The following DNAI3 variants were observed in gnomAD, a reference collection of about 807,000 sequenced individuals.
The protein encoded by DNAI3 is WD repeat domain 63.
A neutral mutation model predicts 115.5 loss-of-function variants in DNAI3; 83 were observed. The observed-to-expected ratio is 0.72, with a 90% confidence interval of 0.60 to 0.86. The LOEUF (loss-of-function observed/expected upper bound fraction) is 0.86, where lower values mean the gene tolerates loss of function less well. DNAI3 is among the 40% of genes least tolerant of loss of function. DNAI3 has a pLI of 0.00. For synonymous variants in DNAI3, 320 were observed against 347.0 expected (o/e 0.92, Z 0.86); for missense variants, 1,004 against 1,075.8 (o/e 0.93, Z 0.93).
Position 85,117,807 on chromosome 1 carries a change from A to G in DNAI3, c.1865A>G (p.Asn622Ser), listed in dbSNP as rs1655877283. 1.2e-6 allele frequency: 2 copies of G among 1,613,940 alleles called. No individual in the cohort carries two copies. Among genetic ancestry groups the G allele is most frequent in the Non-Finnish European group, 1.7e-6 (2 of 1,179,842 alleles). ...CATAATCTGGAAAGTGGGATGGCCA[A>G]TCTTCTCAAGCCAATAGATGACTTC... The part of the protein sequence containing the change: ...PYHNLESGMA[N>S]LLKPIDDFCT... The change falls in exon 17 of 23, where the codon AAT becomes AGT. Residue 622 changes from asparagine to serine, a missense_variant. By Grantham distance (46) the Asn-to-Ser change is conservative. Transcript: ENST00000294664.
intron 12 of DNAI3, 147 bp from the exon 13 acceptor site, chr1:85,098,383 A>G (rs1655189548): frequency 5.5e-6 from 5 of 915,888 alleles, no homozygotes; most frequent in Admixed American, 3.1e-5. Flanking sequence ...TTACCTAAAT[A>G]TATGATATAG....
chr1:85,110,921 A>G (rs1655643510), intron 16 of DNAI3, among the ~76,000 whole-genome samples: 1 of 152,234 alleles, frequency 6.6e-6, no homozygotes, highest in East Asian at 1.9e-4. Context: ...TGACTTTTAA[A>G]TCTATCTCAA....
intron 18 of DNAI3, 67 bp from the exon 19 acceptor site, chr1:85,124,054 C>T: frequency 3.1e-6 from 5 of 1,593,574 alleles, no homozygotes; most frequent in Non-Finnish European, 4.3e-6. Context: ...GGAGGTCTGT[C>T]CATTCCTCAC....
chr1:85,098,283 C>T (rs1487634683), intron 12 of DNAI3, among the ~76,000 whole-genome samples: 2 of 152,136 alleles, frequency 1.3e-5, no homozygotes, highest in Admixed American at 1.3e-4. Flanking sequence ...TGAGATGTCT[C>T]ATTGATTCTT....
intron 1 of DNAI3, among the ~76,000 whole-genome samples, chr1:85,064,747 A>G (rs921738129): frequency 6.6e-6 from 1 of 152,088 alleles, no homozygotes; most frequent in African/African-American, 2.4e-5. Context: ...AAAATAAAAT[A>G]AAAAGCTGGG....
At chr1:85,094,030 T>C (rs1655057317) in intron 9 of DNAI3, 1 of 416,134 alleles carries the variant, frequency 2.4e-6, no homozygotes, top group Admixed American at 3.1e-5. Flanking sequence ...GTGCCTCCTT[T>C]AAAGAGCTCA....
chr1:85,125,312 AT>A (rs1656100675), intron 19 of DNAI3, among the ~76,000 whole-genome samples: 2 of 152,086 alleles, frequency 1.3e-5, no homozygotes, highest in Non-Finnish European at 1.5e-5. Flanking sequence ...ACATAGGCAT[AT>A]AATGTGGATA....
chr1:85,100,471 C>G (rs1655262392), intron 13 of DNAI3, among the ~76,000 whole-genome samples: 1 of 152,004 alleles, frequency 6.6e-6, no homozygotes, highest in Admixed American at 6.6e-5. Flanking sequence ...AGTCAGGAAA[C>G]AACAGATGCT....
Position 85,108,074 on chromosome 1 carries a change from C to A in DNAI3, c.1595C>A (p.Thr532Asn), listed in dbSNP as rs1332330892. 1 of 1,607,912 alleles carries A rather than the reference C, an allele frequency of 6.2e-7. No homozygotes were observed. Among genetic ancestry groups the A allele is most frequent in the South Asian group, 1.1e-5 (1 of 89,676 alleles). ...GATATTAGACCACAGAAACCTTTAA[C>A]CCCCCAAACAACAGAGAAAAAGAAG... is the stretch of plus-strand genomic sequence containing the variant. ...FWDIRPQKPL[T>N]PQTTEKKKEE... The change falls in exon 15 of 23, where the codon ACC becomes AAC. Residue 532 changes from threonine (T) to asparagine (N), a missense_variant. Around this residue, in one of 3 missense-constraint regions of DNAI3, gnomAD observed 429 missense variants for 454.3 expected, o/e 0.94. Coordinates refer to ENST00000294664, the MANE Select transcript of DNAI3 (RefSeq NM_145172.5).
chr1:85,097,459 AT>A (rs1386236872), intron 11 of DNAI3, 109 bp from the exon 12 acceptor site: 1 of 790,696 alleles, frequency 1.3e-6, no homozygotes, highest in African/African-American at 1.8e-5. Context: ...ACATTTGATT[AT>A]CCCCTAAGGT....
intron 7 of DNAI3, among the ~76,000 whole-genome samples, chr1:85,088,415 G>A (rs1255849956): frequency 6.6e-6 from 1 of 152,122 alleles, no homozygotes; most frequent in Non-Finnish European, 1.5e-5. Context: ...GAGAATGCTG[G>A]TACCATGCAT....
At chr1:85,103,035 A>T (rs938351121) in intron 13 of DNAI3, among the ~76,000 whole-genome samples, 1 of 152,230 alleles carries the variant, frequency 6.6e-6, no homozygotes, top group Middle Eastern at 3.4e-3. Flanking sequence ...CAGGCCACAG[A>T]GATGTCCATC....
At chr1:85,111,985 G>T (rs904187925) in intron 16 of DNAI3, among the ~76,000 whole-genome samples, 1 of 151,972 alleles carries the variant, frequency 6.6e-6, no homozygotes, top group African/African-American at 2.4e-5. Context: ...AGGCCACAAC[G>T]GATCTACTTT....
At chr1:85,076,661 T>C (rs1488914432) in intron 3 of DNAI3, among the ~76,000 whole-genome samples, 1 of 152,148 alleles carries the variant, frequency 6.6e-6, no homozygotes, top group Non-Finnish European at 1.5e-5. Context: ...TCAGGTCTCA[T>C]GAGACTTATT....
chr1:85,107,295 T>C (rs1655516567), intron 14 of DNAI3, among the ~76,000 whole-genome samples: 2 of 152,112 alleles, frequency 1.3e-5, no homozygotes, highest in South Asian at 4.1e-4. Context: ...TTTATAATAG[T>C]GAAAAAGCTG....
At chr1:85,122,293 C>T (rs1382850986) in intron 18 of DNAI3, among the ~76,000 whole-genome samples, 1 of 152,150 alleles carries the variant, frequency 6.6e-6, no homozygotes, top group African/African-American at 2.4e-5. Context: ...CTGCAGGACC[C>T]TCCTTTGGGG....
chr1:85,073,522 T>C (rs1369843679), intron 3 of DNAI3, among the ~76,000 whole-genome samples: 1 of 152,206 alleles, frequency 6.6e-6, no homozygotes, highest in Non-Finnish European at 1.5e-5. Context: ...ACTAATGTTG[T>C]TCCTACATGT....
chr1:85,101,690 T>C (rs1047149301), intron 13 of DNAI3, among the ~76,000 whole-genome samples: 4 of 114,136 alleles, frequency 3.5e-5, no homozygotes, highest in African/African-American at 1.4e-4. Context: ...ATCGCGCCAC[T>C]GCACTCCAGC....
At chr1:85,132,737 C>G in intron 22 of DNAI3, 118 bp from the exon 23 acceptor site, 1 of 1,327,992 alleles carries the variant, frequency 7.5e-7, no homozygotes, top group South Asian at 1.5e-5. Flanking sequence ...GCCCTCCATC[C>G]AGCCCTTTCC....
Sources: allele counts gnomAD v4.1 joint callset (sites outside exome capture counted in the v4.1 genomes callset), GRCh38; gene constraint gnomAD v4.1.1; regional missense constraint gnomAD v4.1.1; transcripts MANE v1.5; gene names NCBI Gene and HGNC (gene_info 2026-07-23, HGNC 2026-07-21).